The following KCNIP1 variants were observed in gnomAD, a reference collection of about 807,000 sequenced individuals.
The protein encoded by KCNIP1 is potassium voltage-gated channel interacting protein 1, also known as A-type potassium channel modulatory protein KCNIP1.
KCNIP1 carries 18 observed loss-of-function variants against 33.0 expected under a neutral mutation model. The observed-to-expected ratio is 0.55, with a 90% CI of 0.38 to 0.81. The LOEUF (loss-of-function observed/expected upper bound fraction) is 0.81. Ranked by LOEUF, KCNIP1 falls within the 30% of genes least tolerant of loss-of-function variation. The pLI, the probability that KCNIP1 is intolerant of heterozygous loss-of-function variation, is 0.00. For missense variants in KCNIP1, 238 were observed against 271.6 expected, an observed-to-expected ratio of 0.88 and a Z score of 0.87; for synonymous variants, 93 against 98.3, an observed-to-expected ratio of 0.95 and a Z score of 0.32.
intron 1 of KCNIP1, chr5:170,383,694 C>T: frequency 1.9e-6 from 3 of 1,614,116 alleles, no homozygotes; most frequent in Non-Finnish European, 2.5e-6. Flanking sequence ...GGTTCTGGTC[C>T]CGAGTGTCCT....
chr5:170,497,979 T>G, intron 1 of KCNIP1, among the ~76,000 whole-genome samples: 1 of 152,256 alleles, frequency 6.6e-6, no homozygotes, highest in East Asian at 1.9e-4. Context: ...CTTCCCCGGC[T>G]TCCGCTGCAG....
At chr5:170,607,563 G>T (rs1461365901) in intron 1 of KCNIP1, among the ~76,000 whole-genome samples, 2 of 152,160 alleles carry the variant, frequency 1.3e-5, no homozygotes, top group Non-Finnish European at 2.9e-5. Context: ...AGAGCCTGAG[G>T]TGAACCCCAA....
In KCNIP1 at chr5:170,489,198, G is replaced by C. The variant is rs1218344563; in HGVS notation, c.88+135234G>C. ...TGCAGGCACTGAAGGAAGAGGTAGG[G>C]GACGATGACTCCATCTGTCACCTCG... On this transcript the variant is annotated intron_variant, in intron 1 of 7. Transcript: ENST00000377360. The surrounding 1 kb of genome is among the most constrained non-coding windows in gnomAD (Gnocchi z 4.3). 3.3e-5 allele frequency among the ~76,000 whole-genome samples: 5 copies of C among 152,302 alleles called. 1 individual carries two copies. In the South Asian group the frequency reaches 1.0e-3, roughly 32 times the overall value.
intron 1 of KCNIP1, among the ~76,000 whole-genome samples, chr5:170,590,786 C>T (rs974953736): frequency 1.3e-5 from 2 of 152,244 alleles, no homozygotes; most frequent in African/African-American, 2.4e-5. Flanking sequence ...GTTTACTTCT[C>T]GTTGCCATGG....
chr5:170,695,780 G>A (rs530347316), intron 1 of KCNIP1, among the ~76,000 whole-genome samples: 4 of 152,282 alleles, frequency 2.6e-5, no homozygotes, highest in African/African-American at 9.6e-5. Flanking sequence ...CAGCACTTTG[G>A]GAGGCCAAGG....
At chr5:170,667,682 G>A (rs1391547268) in intron 1 of KCNIP1, among the ~76,000 whole-genome samples, 1 of 152,224 alleles carries the variant, frequency 6.6e-6, no homozygotes, top group Non-Finnish European at 1.5e-5. Context: ...CTGGGCAGCA[G>A]CCTGAGTTAT....
intron 1 of KCNIP1, among the ~76,000 whole-genome samples, chr5:170,511,073 G>T (rs531162752): frequency 6.6e-6 from 1 of 152,312 alleles, no homozygotes; most frequent in South Asian, 2.1e-4. Flanking sequence ...GCCGGGCATG[G>T]TGGCATGCTC....
At chr5:170,518,615 A>T (rs1755241393) in intron 1 of KCNIP1, among the ~76,000 whole-genome samples, 1 of 152,258 alleles carries the variant, frequency 6.6e-6, no homozygotes, top group Non-Finnish European at 1.5e-5. Context: ...GTTATCAGGC[A>T]CATCAGAATA....
intron 1 of KCNIP1, among the ~76,000 whole-genome samples, chr5:170,425,708 C>T (rs1160395868): frequency 6.6e-6 from 1 of 152,330 alleles, no homozygotes; most frequent in Middle Eastern, 3.4e-3. Context: ...TCCTCTGCCA[C>T]GGAAGCCTCT....
At chr5:170,597,543 G>A (rs1042845685) in intron 1 of KCNIP1, among the ~76,000 whole-genome samples, 1 of 151,968 alleles carries the variant, frequency 6.6e-6, no homozygotes, top group African/African-American at 2.4e-5. Flanking sequence ...GATAAATCTG[G>A]GAGATGAATG....
At chr5:170,502,773 G>A (rs1332857995), upstream of KCNIP1, among the ~76,000 whole-genome samples, 3 of 152,080 alleles carry the variant, frequency 2.0e-5, no homozygotes, top group Non-Finnish European at 4.4e-5. Context: ...ATTGTAGGGG[G>A]CAGCTTGGGC....
At chr5:170,366,381 A>G (rs1301340806) in intron 1 of KCNIP1, among the ~76,000 whole-genome samples, 1 of 152,232 alleles carries the variant, frequency 6.6e-6, no homozygotes, top group East Asian at 1.9e-4. Context: ...CCCTGAGGAC[A>G]CCACCCTGGA....
chr5:170,585,391 C>T (rs1267345246), intron 1 of KCNIP1, among the ~76,000 whole-genome samples: 1 of 152,064 alleles, frequency 6.6e-6, no homozygotes, highest in African/African-American at 2.4e-5. Context: ...ATGTGAGCCA[C>T]AGAACTTACC....
intron 1 of KCNIP1, among the ~76,000 whole-genome samples, chr5:170,360,786 C>T (rs1410819219): frequency 6.6e-6 from 1 of 152,194 alleles, no homozygotes; most frequent in Non-Finnish European, 1.5e-5. Flanking sequence ...ACGTTCACCA[C>T]GTGGGAATCA....
chr5:170,479,171 C>T (rs1177548062), intron 1 of KCNIP1, among the ~76,000 whole-genome samples: 1 of 152,130 alleles, frequency 6.6e-6, no homozygotes, highest in African/African-American at 2.4e-5. Context: ...TCTATGTTTT[C>T]CTAGACTATA....
chr5:170,668,545 C>A (rs6875696), intron 1 of KCNIP1, among the ~76,000 whole-genome samples: 45,445 of 151,984 alleles, frequency 0.3, 7,501 homozygotes, highest in East Asian at 0.48. Context: ...TGCTCTCTTG[C>A]GTTTACTTTT....
chr5:170,514,277 C>T (rs1755045929), intron 1 of KCNIP1, among the ~76,000 whole-genome samples: 2 of 152,226 alleles, frequency 1.3e-5, no homozygotes, highest in Non-Finnish European at 1.5e-5. Flanking sequence ...GAAGCTGGCA[C>T]ATTTGCATCC....
At chr5:170,628,016 C>T (rs1317778455) in intron 1 of KCNIP1, among the ~76,000 whole-genome samples, 1 of 152,238 alleles carries the variant, frequency 6.6e-6, no homozygotes, top group Non-Finnish European at 1.5e-5. Flanking sequence ...GACTGGGAGC[C>T]TGGACCCCTC....
intron 1 of KCNIP1, among the ~76,000 whole-genome samples, chr5:170,386,076 A>C (rs1764458179): frequency 2.0e-5 from 3 of 151,846 alleles, no homozygotes; most frequent in African/African-American, 7.2e-5. Context: ...CAGTGAGCAG[A>C]GATGCGCCAC....
Sources: gnomAD v4.1 joint callset for allele counts (sites outside exome capture counted in the v4.1 genomes callset) on GRCh38, gnomAD v4.1.1 for gene constraint, Gnocchi (gnomAD v3.1) non-coding constraint, MANE v1.5 for transcripts, NCBI Gene and HGNC (gene_info 2026-07-23, HGNC 2026-07-21) for gene names.